KIF13A: variants seen among roughly 807,000 people sequenced by gnomAD.
KIF13A encodes the protein kinesin-like protein KIF13A.
A neutral mutation model predicts 212.2 loss-of-function variants in KIF13A; 79 were observed. The observed-to-expected ratio is 0.37, with a 90% confidence interval of 0.31 to 0.45. The LOEUF (loss-of-function observed/expected upper bound fraction) is 0.45. KIF13A is among the 20% of genes least tolerant of loss of function. The pLI is 1.00. For synonymous variants in KIF13A, 789 were observed against 808.6 expected, an observed-to-expected ratio of 0.98 and a Z score of 0.41; for missense variants, 1,901 against 2,209.0, an observed-to-expected ratio of 0.86 and a Z score of 2.79.
rs1378327110 is a variant in KIF13A at position 17,850,951 on chromosome 6, T to C, written c.583-494A>G. Among the ~76,000 whole-genome samples, 1 of 152,150 alleles carries C rather than the reference T, an allele frequency of 6.6e-6. No homozygotes were observed. The highest frequency in any genetic ancestry group is 1.5e-5 in the Non-Finnish European group (1 of 68,036). ...TATGAAATATTTGCTAAATGAACTT[T>C]ATTTTCTTGCTTTTACATACAAGGA... On this transcript the variant is annotated intron_variant, in intron 7 of 38. Transcript: ENST00000259711. The surrounding 1 kb of genome is among the most constrained non-coding windows in gnomAD (Gnocchi z 6.2).
intron 2 of KIF13A, among the ~76,000 whole-genome samples, chr6:17,952,673 G>T (rs192103157): frequency 1.9e-4 from 29 of 152,266 alleles, no homozygotes; most frequent in Non-Finnish European, 2.6e-4. Context: ...GCTCATGCCT[G>T]TAATCCCAGC....
chr6:17,906,166 A>C (rs1183932423), intron 2 of KIF13A, among the ~76,000 whole-genome samples: 1 of 152,118 alleles, frequency 6.6e-6, no homozygotes, highest in East Asian at 1.9e-4. Flanking sequence ...ACTACAGTAA[A>C]ATTTTCTGAA....
Position 17,951,134 on chromosome 6 carries a change from G to C in KIF13A, c.146+35920C>G. The C allele has an allele frequency of 1.7e-6, 2 of 1,202,266 alleles. No homozygotes were observed. The highest frequency in any genetic ancestry group is 2.1e-6 in the Non-Finnish European group (2 of 969,116). The allele number at this position is 1,202,266 out of a possible 1,614,324, so 74.5% of individuals were successfully genotyped here. ...CATTTATTCATATGTGGGGTCTGAT[G>C]CAATTCACCTCACGCCACTTTAATT... On this transcript the variant is annotated intron_variant, in intron 2 of 38. Coordinates refer to ENST00000259711, the MANE Select transcript of KIF13A (RefSeq NM_022113.6). The surrounding 1 kb of genome is among the most constrained non-coding windows in gnomAD (Gnocchi z 4.9).
intron 4 of KIF13A, 170 bp downstream of exon 4, chr6:17,873,207 C>T (rs1770181591): frequency 3.8e-6 from 2 of 529,792 alleles, no homozygotes; most frequent in East Asian, 6.5e-5. Flanking sequence ...AGTGGCAGAC[C>T]CAGATTCTGA....
intron 3 of KIF13A, among the ~76,000 whole-genome samples, chr6:17,876,885 T>C (rs975957522): frequency 6.6e-6 from 1 of 152,194 alleles, no homozygotes; most frequent in East Asian, 1.9e-4. Flanking sequence ...TCCTCCCACC[T>C]TGGCTTCCCA....
chr6:17,966,618 C>A (rs1779339694), intron 2 of KIF13A, among the ~76,000 whole-genome samples: 1 of 151,950 alleles, frequency 6.6e-6, no homozygotes, highest in Non-Finnish European at 1.5e-5. Context: ...CAACACAACA[C>A]AGTGCTTGAT....
intron 16 of KIF13A, among the ~76,000 whole-genome samples, chr6:17,824,850 T>G (rs1053268242): frequency 6.6e-6 from 1 of 150,682 alleles, no homozygotes; most frequent in African/African-American, 2.4e-5. Context: ...CTCAGGGCCC[T>G]GGAGGTCCAC....
chr6:17,793,571 T>G (rs1761783903), intron 25 of KIF13A, among the ~76,000 whole-genome samples: 1 of 152,044 alleles, frequency 6.6e-6, no homozygotes, highest in African/African-American at 2.4e-5. Context: ...AAGTAAAGCT[T>G]TCAAAGAACT....
In KIF13A at chr6:17,785,710, A is replaced by G. The variant is rs567289638; in HGVS notation, c.3362-69T>C. On this transcript the variant is annotated intron_variant, in intron 27 of 38. Transcript: ENST00000259711. This position sits in a 1 kb window ranked among gnomAD's most constrained non-coding sequence, Gnocchi z 5.8. ...TATGACTTCTCAGTTTACAAGGAAT[A>G]GATTTCAGCCTGGGCAACATAGTGA... is the stretch of plus-strand genomic sequence containing the variant. 1 of 1,531,974 alleles carries G rather than the reference A, an allele frequency of 6.5e-7. No homozygotes were observed. Among genetic ancestry groups the G allele is most frequent in the Non-Finnish European group, 8.9e-7 (1 of 1,127,790 alleles). The allele number at this position is 1,531,974 out of a possible 1,614,324, so 94.9% of individuals were successfully genotyped here.
intron 9 of KIF13A, among the ~76,000 whole-genome samples, chr6:17,847,043 A>G (rs1338475229): frequency 6.6e-6 from 1 of 152,206 alleles, no homozygotes; most frequent in Non-Finnish European, 1.5e-5. Flanking sequence ...GACATTGCAT[A>G]TGGAGCATTC....
intron 6 of KIF13A, among the ~76,000 whole-genome samples, chr6:17,854,912 A>G (rs1194318248): frequency 6.6e-6 from 1 of 152,150 alleles, no homozygotes; most frequent in African/African-American, 2.4e-5. Flanking sequence ...TCAGATAAAT[A>G]TATTTTTAAA....
Position 17,856,355 on chromosome 6 carries a change from T to C in KIF13A, c.221-233A>G, listed in dbSNP as rs898970695. Among the ~76,000 whole-genome samples the C allele has an allele frequency of 2.6e-5, 4 of 152,198 alleles. No homozygotes were observed. Among genetic ancestry groups the C allele is most frequent in the Admixed American group, 6.5e-5 (1 of 15,274 alleles). On this transcript the variant is annotated intron_variant, in intron 4 of 38. Coordinates refer to ENST00000259711, the MANE Select transcript of KIF13A (RefSeq NM_022113.6). This position sits in a 1 kb window ranked among gnomAD's most constrained non-coding sequence, Gnocchi z 4.5. ...TCCCTCTAAGACACTTCTCTAGATA[T>C]TAAAGTTTTCTTTCCATTGTGAGTG... is the stretch of plus-strand genomic sequence containing the variant.
intron 2 of KIF13A, among the ~76,000 whole-genome samples, chr6:17,979,961 G>T (rs2150636870): frequency 6.6e-6 from 1 of 152,152 alleles, no homozygotes; most frequent in South Asian, 2.1e-4. Context: ...ACCAGTTCAG[G>T]AAACCCCATG....
chr6:17,775,889 C>CT (rs371250101), intron 34 of KIF13A, among the ~76,000 whole-genome samples: 9 of 150,884 alleles, frequency 6.0e-5, no homozygotes, highest in African/African-American at 1.9e-4. Context: ...TTTTTCTTCA[C>CT]TTTTTTTTTG....
rs1760033347 is a variant in KIF13A at position 17,776,901 on chromosome 6, T to C, written c.4170+376A>G. Reference sequence around the variant, plus strand: ...GGCTGACTCCTTATCACACTGATGGTGGCAGACTCAGAGCCACCAGGGCAG... The same window carrying C: ...GGCTGACTCCTTATCACACTGATGGCGGCAGACTCAGAGCCACCAGGGCAG... On this transcript the variant is annotated intron_variant, in intron 34 of 38. Transcript: ENST00000259711. The surrounding 1 kb of genome is among the most constrained non-coding windows in gnomAD (Gnocchi z 4.6). 6.6e-6 allele frequency among the ~76,000 whole-genome samples: 1 copy of C among 152,182 alleles called. No homozygotes were observed. Among genetic ancestry groups the C allele is most frequent in the Admixed American group, 6.5e-5 (1 of 15,268 alleles).
chr6:17,868,273 A>C (rs938568306), intron 4 of KIF13A, among the ~76,000 whole-genome samples: 3 of 152,308 alleles, frequency 2.0e-5, no homozygotes, highest in Non-Finnish European at 2.9e-5. Flanking sequence ...ATAAAAACCA[A>C]AGTTACTGGA....
chr6:17,786,675 TATC>T lies in KIF13A; in HGVS notation c.3362-1037_3362-1035del, dbSNP rs1761085202. Among the ~76,000 whole-genome samples the T allele has an allele frequency of 6.6e-6, 1 of 152,186 alleles. No homozygotes were observed. The highest frequency in any genetic ancestry group is 2.4e-5 in the African/African-American group (1 of 41,454). ...AATCACCTTTATTTTCCTCGAGGCT[TATC>T]ATGAAAGGGATTTTATCTGATATAC... On this transcript the variant is annotated intron_variant, in intron 27 of 38. Coordinates refer to ENST00000259711, the MANE Select transcript of KIF13A (RefSeq NM_022113.6). This position sits in a 1 kb window ranked among gnomAD's most constrained non-coding sequence, Gnocchi z 5.4.
chr6:17,948,033 T>C (rs2150565828), intron 2 of KIF13A, among the ~76,000 whole-genome samples: 1 of 152,326 alleles, frequency 6.6e-6, no homozygotes, highest in Non-Finnish European at 1.5e-5. Flanking sequence ...AATTGTGTTG[T>C]CCAAGGAGAG....
At chr6:17,983,799 T>C (rs1236073262) in intron 2 of KIF13A, among the ~76,000 whole-genome samples, 1 of 152,100 alleles carries the variant, frequency 6.6e-6, no homozygotes, top group Non-Finnish European at 1.5e-5. Context: ...AGAACTACCT[T>C]GCTTCTGAAT....
Sources: allele counts gnomAD v4.1 joint callset (sites outside exome capture counted in the v4.1 genomes callset), GRCh38; gene constraint gnomAD v4.1.1; non-coding constraint Gnocchi (gnomAD v3.1); transcripts MANE v1.5; gene names NCBI Gene and HGNC (gene_info 2026-07-23, HGNC 2026-07-21).